The following ERC1 variants were observed in gnomAD, a reference collection of about 807,000 sequenced individuals.
The protein encoded by ERC1 is RAB6 interacting protein 2.
In ERC1, 56 loss-of-function variants were observed where a neutral mutation model predicts 132.0. The ratio of observed to expected loss-of-function variants is 0.42; its 90% CI spans 0.34 to 0.53. The LOEUF (loss-of-function observed/expected upper bound fraction) is 0.53, where lower values mean the gene tolerates loss of function less well. ERC1 is among the 20% of genes least tolerant of loss of function. The pLI is 0.03. For synonymous variants in ERC1, 478 were observed against 476.1 expected (o/e 1.00, Z -0.05); for missense variants, 1,202 against 1,349.9 (o/e 0.89, Z 1.72).
intron 14 of ERC1, among the ~76,000 whole-genome samples, chr12:1,270,833 A>G (rs1244738705): frequency 6.6e-6 from 1 of 151,998 alleles, no homozygotes; most frequent in Non-Finnish European, 1.5e-5. Flanking sequence ...TGTGCAAGCC[A>G]TCTAGCACAA....
At position 1,208,243 on chromosome 12, in the gene ERC1, A is replaced by G. The variant is rs1488721678; in HGVS notation, c.2351+18191A>G. Among the ~76,000 whole-genome samples, 3 of 152,186 alleles carry G rather than the reference A, an allele frequency of 2.0e-5. No individual in the cohort carries two copies. The East Asian group carries it at 5.8e-4, about 29-fold the overall frequency. The stretch of plus-strand genomic sequence containing the variant: ...TCACACTTTCCTTTCCTCTGTATCA[A>G]GCTTGTCCAACCCATGGCCCACAGC... On this transcript the variant is annotated intron_variant, in intron 12 of 18. Coordinates refer to ENST00000360905, the MANE Select transcript of ERC1 (RefSeq NM_178040.4).
chr12:1,268,497 C>T (rs2077611703), intron 14 of ERC1, among the ~76,000 whole-genome samples: 1 of 152,112 alleles, frequency 6.6e-6, no homozygotes, highest in Non-Finnish European at 1.5e-5. Context: ...TTGACAACTA[C>T]CATGGTAGAG....
intron 2 of ERC1, among the ~76,000 whole-genome samples, chr12:1,053,836 C>T (rs1216140985): frequency 6.6e-6 from 1 of 152,144 alleles, no homozygotes; most frequent in Non-Finnish European, 1.5e-5. Flanking sequence ...AAAGCAAATA[C>T]TTTGCAAATT....
At chr12:1,364,581 C>A (rs2086475981) in intron 15 of ERC1, among the ~76,000 whole-genome samples, 1 of 152,206 alleles carries the variant, frequency 6.6e-6, no homozygotes, top group Admixed American at 6.5e-5. Flanking sequence ...GATGTGTCCT[C>A]ACATGTGACT....
In ERC1 at chr12:1,266,651, C is replaced by T. The variant is rs568426608; in HGVS notation, c.2619+3486C>T. ...AACTCCTGACCTCAAGTGATCCGCCCGCCTCGGCCTCTGAAAGTGCTGGGA... is the reference window on the plus strand; with the variant it reads ...AACTCCTGACCTCAAGTGATCCGCCTGCCTCGGCCTCTGAAAGTGCTGGGA... On this transcript the variant is annotated intron_variant, in intron 14 of 18. Coordinates refer to ENST00000360905, the MANE Select transcript of ERC1 (RefSeq NM_178040.4). 2.6e-4 allele frequency among the ~76,000 whole-genome samples: 40 copies of T among 151,976 alleles called. 1 individual carries two copies. The East Asian group carries it at 6.8e-3, about 26-fold the overall frequency.
At chr12:1,389,373 A>G (rs1477624240) in intron 16 of ERC1, among the ~76,000 whole-genome samples, 1 of 152,244 alleles carries the variant, frequency 6.6e-6, no homozygotes, top group Non-Finnish European at 1.5e-5. Flanking sequence ...AGCTTGCTTA[A>G]GAGAGAATAT....
intron 17 of ERC1, chr12:1,410,289 T>C: frequency 2.3e-6 from 1 of 437,524 alleles, no homozygotes; most frequent in East Asian, 7.1e-5. Context: ...AATTCTCTTC[T>C]GCTACATTAT....
intron 15 of ERC1, among the ~76,000 whole-genome samples, chr12:1,352,758 C>T (rs916931491): frequency 2.0e-5 from 3 of 152,282 alleles, no homozygotes; most frequent in Non-Finnish European, 2.9e-5. Context: ...AGATTGTTAT[C>T]GGAGACTGTA....
At chr12:1,415,934 A>G (rs1045083677) in intron 17 of ERC1, among the ~76,000 whole-genome samples, 1 of 152,208 alleles carries the variant, frequency 6.6e-6, no homozygotes, top group African/African-American at 2.4e-5. Context: ...ACTTTCATGT[A>G]TCTTATCTCA....
chr12:1,210,823 G>A (rs1273800581), intron 12 of ERC1, among the ~76,000 whole-genome samples: 2 of 151,956 alleles, frequency 1.3e-5, no homozygotes, highest in South Asian at 2.1e-4. Flanking sequence ...GTGAAACCCC[G>A]TCTCTACTAA....
At chr12:1,127,657 A>G (rs1948346994) in intron 7 of ERC1, among the ~76,000 whole-genome samples, 1 of 152,216 alleles carries the variant, frequency 6.6e-6, no homozygotes, top group Non-Finnish European at 1.5e-5. Flanking sequence ...AAACAGGTTG[A>G]GGTATGTAAC....
rs756542408 is a variant in ERC1 at position 1,236,849 on chromosome 12, TAGA to T, written c.2433_2435del (p.Glu813del). 1.9e-6 allele frequency: 3 copies of T among 1,613,908 alleles called. No individual in the cohort carries two copies. The highest frequency in any genetic ancestry group is 2.5e-6 in the Non-Finnish European group (3 of 1,179,984). On this transcript the variant is annotated inframe_deletion, in exon 13 of 19. Coordinates refer to ENST00000360905, the MANE Select transcript of ERC1 (RefSeq NM_178040.4). ...GAAAAAAAGAAGAGTGCACAAATGT[TAGA>T]GGAGGCGCGACGACGGGAGGACAAT...
chr12:1,222,315 C>T (rs911430318), intron 12 of ERC1, among the ~76,000 whole-genome samples: 7 of 151,740 alleles, frequency 4.6e-5, no homozygotes, highest in Admixed American at 2.0e-4. Context: ...CTGCAACCTC[C>T]GTTTCCTGGG....
intron 18 of ERC1, among the ~76,000 whole-genome samples, chr12:1,470,282 G>T (rs1457089904): frequency 6.6e-6 from 1 of 152,056 alleles, no homozygotes; most frequent in Non-Finnish European, 1.5e-5. Context: ...TGGCTGGGGG[G>T]AAACTTCCTT....
At chr12:1,396,396 A>G (rs1157006391) in intron 16 of ERC1, among the ~76,000 whole-genome samples, 1 of 152,184 alleles carries the variant, frequency 6.6e-6, no homozygotes, top group Non-Finnish European at 1.5e-5. Flanking sequence ...ATCATGGAAA[A>G]TTGATTCTTG....
chr12:1,400,916 A>ATT (rs869202443), intron 16 of ERC1, among the ~76,000 whole-genome samples: 3 of 15,058 alleles, frequency 2.0e-4, no homozygotes, highest in African/African-American at 3.1e-4. Flanking sequence ...CTATTTTTGT[A>ATT]TTTTTTTTTT....
intron 2 of ERC1, among the ~76,000 whole-genome samples, chr12:1,033,513 G>C (rs1202736088): frequency 6.6e-6 from 1 of 151,534 alleles, no homozygotes; most frequent in African/African-American, 2.4e-5. Context: ...GCCCAGGCTG[G>C]AGCGCAATGG....
intron 2 of ERC1, among the ~76,000 whole-genome samples, chr12:1,031,973 G>A (rs1346297871): frequency 6.6e-6 from 1 of 151,914 alleles, no homozygotes; most frequent in Non-Finnish European, 1.5e-5. Flanking sequence ...CTTATGTTTC[G>A]AACAAGCTTC....
chr12:1,116,200 C>T (rs1946418270), intron 7 of ERC1, 167 bp downstream of exon 7: 1 of 556,796 alleles, frequency 1.8e-6, no homozygotes, highest in African/African-American at 1.9e-5. Context: ...CATCTTATTT[C>T]AGTTGTTCTT....
Sources: gnomAD v4.1 joint callset for allele counts (sites outside exome capture counted in the v4.1 genomes callset) on GRCh38, gnomAD v4.1.1 for gene constraint, MANE v1.5 for transcripts, NCBI Gene and HGNC (gene_info 2026-07-23, HGNC 2026-07-21) for gene names.